The following CABLES1 variants were observed in gnomAD, a reference collection of about 807,000 sequenced individuals.
CABLES1 encodes the protein Cdk5 and Abl enzyme substrate 1, also known as CDK5 and ABL1 enzyme substrate 1.
Under a neutral mutation model 57.8 loss-of-function variants are expected in CABLES1, and 36 were observed. That is an observed-to-expected ratio of 0.62 (90% CI 0.48 to 0.82). CABLES1 has a LOEUF of 0.82. Ranked by LOEUF, CABLES1 falls within the 40% of genes least tolerant of loss-of-function variation. The pLI is 0.00. For missense variants in CABLES1, 767 were observed against 836.6 expected, an observed-to-expected ratio of 0.92 and a Z score of 1.03; for synonymous variants, 374 against 363.0, an observed-to-expected ratio of 1.03 and a Z score of -0.35.
rs141013674 is a variant in CABLES1 at position 23,189,074 on chromosome 18, C to G, written c.917+165C>G. The stretch of plus-strand genomic sequence containing the variant: ...TAGTGTCTAACCCACCTCTGAAGAC[C>G]ACTAGAACTAAACAACGTTAAATCC... On this transcript the variant is annotated intron_variant, in intron 2 of 9. Coordinates refer to ENST00000256925, the MANE Select transcript of CABLES1 (RefSeq NM_001100619.3). The G allele has an allele frequency of 5.9e-4, 339 of 573,566 alleles. 1 individual carries two copies. In the East Asian group the frequency reaches 9.5e-3, roughly 16 times the overall value. 35.5% of individuals were successfully genotyped at this position (573,566 alleles called of 1,614,324 possible).
chr18:23,228,507 C>T (rs2047543882), intron 4 of CABLES1, among the ~76,000 whole-genome samples: 1 of 152,106 alleles, frequency 6.6e-6, no homozygotes, highest in East Asian at 1.9e-4. Flanking sequence ...TCAAGGAGAG[C>T]TACATTAAAT....
rs8085766 is a variant in CABLES1, at chr18:23,172,830, T to C, written c.846-16008T>C. Among the ~76,000 whole-genome samples the C allele has an allele frequency of 5.0e-3, 760 of 152,322 alleles. 5 individuals are homozygous for C. The highest frequency in any genetic ancestry group is 0.017 in the African/African-American group (721 of 41,562). On this transcript the variant is annotated intron_variant, in intron 1 of 9. Coordinates refer to ENST00000256925, the MANE Select transcript of CABLES1 (RefSeq NM_001100619.3). ...GAATACGGTGAGGCAGATGCACTAA[T>C]AATATATTTCCAAGCGAGCTGTTAA...
chr18:23,242,359 ACC>A (rs1183054986), intron 7 of CABLES1, among the ~76,000 whole-genome samples: 1 of 152,138 alleles, frequency 6.6e-6, no homozygotes, highest in Non-Finnish European at 1.5e-5. Flanking sequence ...CTAGAAGGTG[ACC>A]ACAGAACAGA....
In CABLES1 at chr18:23,203,579, A is replaced by G. The variant is rs144290053; in HGVS notation, c.1010+9039A>G. Among the ~76,000 whole-genome samples, 390 of 152,312 alleles carry G rather than the reference A, an allele frequency of 2.6e-3. 4 individuals carry two copies. The highest frequency in any genetic ancestry group is 8.4e-3 in the African/African-American group (349 of 41,562). On this transcript the variant is annotated intron_variant, in intron 3 of 9. Transcript: ENST00000256925. The stretch of plus-strand genomic sequence containing the variant: ...GCTGGAGCCTTTCCTTGTTGCACCA[A>G]AACATTTTGGAGGGAAAAAGGGGAT...
At chr18:23,159,362 G>C (rs1172906829) in intron 1 of CABLES1, among the ~76,000 whole-genome samples, 2 of 152,224 alleles carry the variant, frequency 1.3e-5, no homozygotes, top group Non-Finnish European at 2.9e-5. Flanking sequence ...GTTCCTATGA[G>C]TATTTGCCCT....
At position 23,135,781 on chromosome 18, in the gene CABLES1, GCCGCCACCACGGCCGC is replaced by G; in HGVS notation, c.21_36del (p.Thr9AlafsTer119). 1.0e-6 allele frequency: 1 copy of G among 984,440 alleles called. No individual in the cohort carries two copies. Among genetic ancestry groups the G allele is most frequent in the Non-Finnish European group, 1.2e-6 (1 of 830,254 alleles). The allele number at this position is 984,440 out of a possible 1,614,324, so 61.0% of individuals were successfully genotyped here. On this transcript the variant is annotated frameshift_variant, in exon 1 of 10. Transcript: ENST00000256925. LOFTEE classifies it high-confidence loss of function. ...GGACACAATGGCGGCGGCGGCGGCG[GCCGCCACCACGGCCGC>G]CTGCAGCAGCGGCAGCGCCGGCACC...
At chr18:23,211,051 C>A (rs1304628376) in intron 3 of CABLES1, among the ~76,000 whole-genome samples, 1 of 151,762 alleles carries the variant, frequency 6.6e-6, no homozygotes, top group African/African-American at 2.4e-5. Context: ...GTCAGCCTCT[C>A]CTAGATATAG....
intron 1 of CABLES1, among the ~76,000 whole-genome samples, chr18:23,176,191 G>A (rs2047121871): frequency 6.6e-6 from 1 of 152,098 alleles, no homozygotes; most frequent in African/African-American, 2.4e-5. Flanking sequence ...TGGCATCAGG[G>A]ACCTGTTTCC....
chr18:23,243,445 G>A (rs115540731), intron 7 of CABLES1, among the ~76,000 whole-genome samples: 467 of 146,956 alleles, frequency 3.2e-3, no homozygotes, highest in African/African-American at 0.011. Context: ...GGGAGGGAGG[G>A]TTGTTTTGGG....
intron 1 of CABLES1, among the ~76,000 whole-genome samples, chr18:23,150,921 G>A (rs575140633): frequency 6.6e-6 from 1 of 152,208 alleles, no homozygotes; most frequent in South Asian, 2.1e-4. Context: ...GGAGCCAAGG[G>A]GGCTGACCTG....
chr18:23,210,144 A>C (rs2047394540), intron 3 of CABLES1, among the ~76,000 whole-genome samples: 1 of 97,950 alleles, frequency 1.0e-5, no homozygotes, highest in South Asian at 4.2e-4. Context: ...GCCCCAGGGA[A>C]TGTTTTCCTT....
chr18:23,147,481 A>G (rs2046898627), intron 1 of CABLES1, among the ~76,000 whole-genome samples: 1 of 152,234 alleles, frequency 6.6e-6, no homozygotes, highest in African/African-American at 2.4e-5. Flanking sequence ...GGAAAATTGT[A>G]GCTGTTATTT....
At chr18:23,234,552 T>C in intron 4 of CABLES1, 56 bp from the exon 5 acceptor site, 1 of 1,257,846 alleles carries the variant, frequency 8.0e-7, no homozygotes, top group Non-Finnish European at 1.2e-6. Flanking sequence ...AGCATCCTCA[T>C]GGCTCTTTGA....
rs1490583712 is a variant in CABLES1, at chr18:23,170,512, G to A, written c.846-18326G>A. ...CATCTCCAGCAGCGTGTGCATGGGC[G>A]TTGGGTCCATTTATGCCCCTTATGC... On this transcript the variant is annotated intron_variant, in intron 1 of 9. Coordinates refer to ENST00000256925, the MANE Select transcript of CABLES1 (RefSeq NM_001100619.3). Among the ~76,000 whole-genome samples, 4 of 152,190 alleles carry A rather than the reference G, an allele frequency of 2.6e-5. No individual in the cohort carries two copies. In the South Asian group the frequency reaches 6.2e-4, roughly 24 times the overall value.
At chr18:23,194,068 C>G (rs145886465) in intron 2 of CABLES1, among the ~76,000 whole-genome samples, 1 of 152,148 alleles carries the variant, frequency 6.6e-6, no homozygotes, top group African/African-American at 2.4e-5. Flanking sequence ...TTCCCTACCC[C>G]CTTTAAATGT....
intron 1 of CABLES1, among the ~76,000 whole-genome samples, chr18:23,175,328 A>G (rs917966965): frequency 1.3e-5 from 2 of 152,174 alleles, no homozygotes; most frequent in Admixed American, 1.3e-4. Context: ...TTGGGAGAAA[A>G]AAGCACTCTG....
At chr18:23,161,097 G>A (rs2047000715) in intron 1 of CABLES1, among the ~76,000 whole-genome samples, 1 of 151,566 alleles carries the variant, frequency 6.6e-6, no homozygotes, top group African/African-American at 2.4e-5. Flanking sequence ...TAATCCCAGT[G>A]CTTTGGGAGG....
intron 1 of CABLES1, among the ~76,000 whole-genome samples, chr18:23,178,369 C>T (rs977458728): frequency 1.3e-5 from 2 of 151,002 alleles, no homozygotes; most frequent in East Asian, 1.9e-4. Context: ...AGCCAGCGAC[C>T]CTGGGCTGGC....
intron 1 of CABLES1, among the ~76,000 whole-genome samples, chr18:23,160,968 G>C (rs943244694): frequency 6.6e-6 from 1 of 152,156 alleles, no homozygotes; most frequent in Non-Finnish European, 1.5e-5. Context: ...AGGAGGCAAA[G>C]GTTGCAGTGA....
Sources: allele counts gnomAD v4.1 joint callset (sites outside exome capture counted in the v4.1 genomes callset), GRCh38; gene constraint gnomAD v4.1.1; transcripts MANE v1.5; gene names NCBI Gene and HGNC (gene_info 2026-07-23, HGNC 2026-07-21).